The following GRAMD1C variants were observed in gnomAD, a reference collection of about 807,000 sequenced individuals.
GRAMD1C encodes GRAM domain containing 1C, also known as protein Aster-C.
GRAMD1C carries 89 observed loss-of-function variants against 97.8 expected under a neutral mutation model. That is an observed-to-expected ratio of 0.91 (90% CI 0.77 to 1.09). The LOEUF is 1.09. Ranked by LOEUF, GRAMD1C falls within the 50% of genes least tolerant of loss-of-function variation. The pLI is 0.00. For missense variants in GRAMD1C, 740 were observed against 766.4 expected (o/e 0.97, Z 0.41); for synonymous variants, 256 against 267.0 (o/e 0.96, Z 0.40).
chr3:113,941,172 C>T (rs1937757858), intron 17 of GRAMD1C, among the ~76,000 whole-genome samples: 1 of 152,078 alleles, frequency 6.6e-6, no homozygotes, highest in South Asian at 2.1e-4. Flanking sequence ...TAAGAGTTCA[C>T]CTAACTGAAA....
At chr3:113,943,807 G>A (rs1040968580) in intron 17 of GRAMD1C, among the ~76,000 whole-genome samples, 3 of 152,104 alleles carry the variant, frequency 2.0e-5, no homozygotes, top group African/African-American at 7.2e-5. Flanking sequence ...CCAGCTACTC[G>A]GGAGGCTGAG....
Position 113,850,857 on chromosome 3 carries a change from A to C in GRAMD1C, c.174+6208A>C, listed in dbSNP as rs1477448220. The C allele has an allele frequency of 4.2e-5, 15 of 360,486 alleles. No homozygotes were observed. The Admixed American group carries it at 7.2e-4, about 17-fold the overall frequency. The allele number at this position is 360,486 out of a possible 1,614,324, so 22.3% of individuals were successfully genotyped here. On this transcript the variant is annotated intron_variant, in intron 2 of 17. Transcript: ENST00000358160. ...TGCTCTGTCACCCAGGCAGGAGTGC[A>C]GTGGTGTGATCTTGGCTCACTGCAA...
intron 1 of GRAMD1C, among the ~76,000 whole-genome samples, chr3:113,832,875 T>C (rs1050041041): frequency 3.3e-5 from 5 of 152,198 alleles, no homozygotes; most frequent in African/African-American, 1.2e-4. Flanking sequence ...TTTATATCTC[T>C]GCCTTAGCCG....
chr3:113,885,112 C>G (rs2107406942), intron 6 of GRAMD1C, among the ~76,000 whole-genome samples: 1 of 152,096 alleles, frequency 6.6e-6, no homozygotes, highest in Non-Finnish European at 1.5e-5. Context: ...CCCCAGCTCC[C>G]CATTCCGCTG....
chr3:113,941,256 T>C (rs1937760286), intron 17 of GRAMD1C, among the ~76,000 whole-genome samples: 1 of 152,238 alleles, frequency 6.6e-6, no homozygotes, highest in Admixed American at 6.5e-5. Context: ...CCATTATCTT[T>C]TGGTTCCAGT....
intron 12 of GRAMD1C, 83 bp from the exon 13 acceptor site, chr3:113,934,349 A>G (rs1223429772): frequency 9.9e-6 from 7 of 709,990 alleles, no homozygotes; most frequent in Non-Finnish European, 1.7e-5. Context: ...TTTCCACTGA[A>G]TACAATCTTA....
chr3:113,882,811 G>A lies in GRAMD1C; in HGVS notation c.519G>A (p.Trp173Ter). ...DRSYLSIFRL[W>*]QNVLLDKSLT... ...GTTACCTCAGTATCTTTAGGTTGTG[G>A]CAGAATGTATTATTAGATAAGGTAA... is the stretch of plus-strand genomic sequence containing the variant. Residue 173 changes from tryptophan (W) to a stop codon, truncating the protein, a stop_gained, in exon 6 of 18, where the codon TGG becomes TGA. Coordinates refer to ENST00000358160, the MANE Select transcript of GRAMD1C (RefSeq NM_017577.5). LOFTEE classifies it high-confidence loss of function. The A allele has an allele frequency of 6.3e-7, 1 of 1,578,062 alleles. No individual in the cohort carries two copies. Among genetic ancestry groups the A allele is most frequent in the Non-Finnish European group, 8.7e-7 (1 of 1,147,946 alleles).
At chr3:113,837,640 A>C (rs1709657991), upstream of GRAMD1C, among the ~76,000 whole-genome samples, 1 of 152,182 alleles carries the variant, frequency 6.6e-6, no homozygotes, top group Non-Finnish European at 1.5e-5. Context: ...TAATCCCAGC[A>C]CTTTGGGAGG....
At chr3:113,878,438 T>C (rs978039985) in intron 5 of GRAMD1C, among the ~76,000 whole-genome samples, 1 of 152,186 alleles carries the variant, frequency 6.6e-6, no homozygotes, top group Non-Finnish European at 1.5e-5. Context: ...TTCATTGCTA[T>C]GGAGTTGGGG....
intron 2 of GRAMD1C, among the ~76,000 whole-genome samples, chr3:113,869,088 C>G (rs535515549): frequency 6.6e-6 from 1 of 152,186 alleles, no homozygotes; most frequent in African/African-American, 2.4e-5. Flanking sequence ...GTTCCCACCC[C>G]CAAAGAACTA....
chr3:113,932,092 T>C (rs889035960), intron 11 of GRAMD1C, among the ~76,000 whole-genome samples: 1 of 152,206 alleles, frequency 6.6e-6, no homozygotes, highest in Non-Finnish European at 1.5e-5. Context: ...TTTAATGCTC[T>C]TTATCTGTGA....
In GRAMD1C at chr3:113,843,603, C is replaced by T. The variant is rs550435229; in HGVS notation, c.28-900C>T. Among the ~76,000 whole-genome samples the T allele has an allele frequency of 9.2e-5, 14 of 151,852 alleles. No homozygotes were observed. The South Asian group carries it at 1.0e-3, about 11-fold the overall frequency. The stretch of plus-strand genomic sequence containing the variant: ...CAAGCAATTCTTCTGCCTCAGCTTC[C>T]GAGTAGCTGGGACTACAGGCCACCA... On this transcript the variant is annotated intron_variant, in intron 1 of 17. Transcript: ENST00000358160.
intron 6 of GRAMD1C, among the ~76,000 whole-genome samples, chr3:113,900,598 T>TC (rs1936131219): frequency 6.7e-6 from 1 of 149,656 alleles, no homozygotes; most frequent in Admixed American, 6.7e-5. Flanking sequence ...TTTTTGTATT[T>TC]TTTTTTTTTA....
intron 2 of GRAMD1C, among the ~76,000 whole-genome samples, chr3:113,848,668 G>A (rs551705739): frequency 6.6e-6 from 1 of 152,106 alleles, no homozygotes; most frequent in South Asian, 2.1e-4. Context: ...TTAGCTGGCT[G>A]TGGTGGCTTG....
intron 11 of GRAMD1C, among the ~76,000 whole-genome samples, chr3:113,932,361 G>GC (rs916280592): frequency 9.2e-5 from 14 of 152,176 alleles, no homozygotes; most frequent in Middle Eastern, 3.4e-3. Context: ...AACTTTGGAA[G>GC]CCCCCCCAAC....
chr3:113,828,906 A>G (rs923247342), intron 1 of GRAMD1C, among the ~76,000 whole-genome samples: 1 of 152,102 alleles, frequency 6.6e-6, no homozygotes, highest in African/African-American at 2.4e-5. Context: ...TTCAAGTACC[A>G]TTTGTATCTT....
chr3:113,941,262 C>T (rs1937760630), intron 17 of GRAMD1C, among the ~76,000 whole-genome samples: 1 of 152,162 alleles, frequency 6.6e-6, no homozygotes. Context: ...TCTTTTGGTT[C>T]CAGTATTGCT....
At chr3:113,883,956 G>T (rs78733101) in intron 6 of GRAMD1C, among the ~76,000 whole-genome samples, 9,670 of 152,138 alleles carry the variant, frequency 0.064, 452 homozygotes, top group Non-Finnish European at 0.098. Flanking sequence ...GGCCAGCCTG[G>T]GAAACATGGT....
chr3:113,839,217 C>A (rs1462117312), intron 1 of GRAMD1C, among the ~76,000 whole-genome samples: 1 of 152,096 alleles, frequency 6.6e-6, no homozygotes, highest in Admixed American at 6.6e-5. Context: ...CAGCCCCAGG[C>A]CCCCTTGGGT....
Sources: allele counts gnomAD v4.1 joint callset (sites outside exome capture counted in the v4.1 genomes callset), GRCh38; gene constraint gnomAD v4.1.1; transcripts MANE v1.5; gene names NCBI Gene and HGNC (gene_info 2026-07-23, HGNC 2026-07-21).